EEIG2: variants seen among roughly 807,000 people sequenced by gnomAD.
The protein encoded by EEIG2 is EEIG family member 2.
the EEIG2 span, among the ~76,000 whole-genome samples, chr1:108,598,028 G>A: frequency 1.3e-4 from 20 of 152,182 alleles, no homozygotes; most frequent in Middle Eastern, 3.4e-3. Context: ...TGTTGGGAGA[G>A]AAGCAATAAT....
the EEIG2 span, among the ~76,000 whole-genome samples, chr1:108,566,861 A>T: frequency 6.6e-6 from 1 of 152,154 alleles, no homozygotes; most frequent in Non-Finnish European, 1.5e-5. Context: ...GCACGGAGAG[A>T]TGGGGAACTG....
the EEIG2 span, chr1:108,629,492 T>C: frequency 1.6e-5 from 14 of 890,912 alleles, no homozygotes; most frequent in African/African-American, 2.4e-4. Context: ...ATTTCTCTAA[T>C]AAACAATTGT....
the EEIG2 span, among the ~76,000 whole-genome samples, chr1:108,623,202 C>G: frequency 6.6e-6 from 1 of 151,952 alleles, no homozygotes; most frequent in African/African-American, 2.4e-5. Flanking sequence ...GTCTGGGCAC[C>G]ATGGCTCACA....
chr1:108,562,384 A>G, the EEIG2 span, among the ~76,000 whole-genome samples: 6 of 152,200 alleles, frequency 3.9e-5, no homozygotes, highest in Non-Finnish European at 8.8e-5. Flanking sequence ...TTTTCTTCCA[A>G]TTAAAATTTG....
At chr1:108,562,596 C>T in the EEIG2 span, among the ~76,000 whole-genome samples, 3 of 152,138 alleles carry the variant, frequency 2.0e-5, no homozygotes, top group Non-Finnish European at 4.4e-5. Context: ...CTGTGGTAAA[C>T]CTGGATGGGT....
chr1:108,588,760 A>T, the EEIG2 span, among the ~76,000 whole-genome samples: 3 of 134,006 alleles, frequency 2.2e-5, no homozygotes, highest in Admixed American at 7.6e-5. Context: ...GAGTTGTATG[A>T]GTTTCTTATA....
the EEIG2 span, among the ~76,000 whole-genome samples, chr1:108,600,962 A>AT: frequency 1.1e-4 from 16 of 152,130 alleles, no homozygotes; most frequent in Non-Finnish European, 2.4e-4. Context: ...ATATATCTAT[A>AT]TCCACTATTT....
chr1:108,612,985 T>G, the EEIG2 span, among the ~76,000 whole-genome samples: 1 of 152,202 alleles, frequency 6.6e-6, no homozygotes, highest in Admixed American at 6.5e-5. Context: ...TACCTGATAC[T>G]CTACAGTTTT....
the EEIG2 span, chr1:108,628,777 G>A: frequency 6.2e-7 from 1 of 1,612,964 alleles, no homozygotes; most frequent in African/African-American, 1.3e-5. Context: ...ACAAAGTCAA[G>A]ACTTCAGCCT....
chr1:108,571,600 T>C, the EEIG2 span, among the ~76,000 whole-genome samples: 1 of 152,096 alleles, frequency 6.6e-6, no homozygotes, highest in Admixed American at 6.6e-5. Context: ...GGATGAAAGG[T>C]ATAATTTGAA....
chr1:108,609,102 A>G, the EEIG2 span, among the ~76,000 whole-genome samples: 4 of 152,348 alleles, frequency 2.6e-5, no homozygotes, highest in East Asian at 3.9e-4. Flanking sequence ...ACATGCAGGC[A>G]TAAGAGGCAC....
the EEIG2 span, chr1:108,616,261 A>G: frequency 1.4e-6 from 1 of 716,862 alleles, no homozygotes; most frequent in Non-Finnish European, 2.4e-6. Context: ...TCCCGTGGAT[A>G]TAACCCAATT....
the EEIG2 span, among the ~76,000 whole-genome samples, chr1:108,597,358 T>A: frequency 6.6e-6 from 1 of 152,228 alleles, no homozygotes; most frequent in African/African-American, 2.4e-5. Flanking sequence ...TTAAGTCATC[T>A]TTCATTACCC....
chr1:108,630,700 A>T, the EEIG2 span, among the ~76,000 whole-genome samples: 1 of 152,246 alleles, frequency 6.6e-6, no homozygotes, highest in Non-Finnish European at 1.5e-5. Context: ...TAGTGAGCAC[A>T]GACACCAAGG....
chr1:108,607,852 T>C, the EEIG2 span, among the ~76,000 whole-genome samples: 1 of 152,196 alleles, frequency 6.6e-6, no homozygotes, highest in Non-Finnish European at 1.5e-5. Flanking sequence ...CATTATTTTT[T>C]ATTTACAGCC....
At chr1:108,587,109 C>G in the EEIG2 span, among the ~76,000 whole-genome samples, 5 of 152,254 alleles carry the variant, frequency 3.3e-5, no homozygotes, top group African/African-American at 1.2e-4. Context: ...CTCCTTCCTA[C>G]ACAATGCTTA....
chr1:108,626,928 C>T, the EEIG2 span: 1 of 152,150 alleles, frequency 6.6e-6, no homozygotes, highest in African/African-American at 2.4e-5. Context: ...ATGCACTGTC[C>T]TTTGGAGCTC....
At chr1:108,620,011 C>G in the EEIG2 span, among the ~76,000 whole-genome samples, 4 of 152,170 alleles carry the variant, frequency 2.6e-5, no homozygotes, top group Admixed American at 6.5e-5. Context: ...TTCCAGAAGT[C>G]CCTAAAGGAG....
chr1:108,600,541 T>G, the EEIG2 span: 1 of 1,608,824 alleles, frequency 6.2e-7, no homozygotes, highest in South Asian at 1.1e-5. Context: ...AGTTAATTAA[T>G]TGGCTCTTTT....
Sources: allele counts gnomAD v4.1 joint callset (sites outside exome capture counted in the v4.1 genomes callset), GRCh38; gene constraint gnomAD v4.1.1; transcripts MANE v1.5; gene names NCBI Gene and HGNC (gene_info 2026-07-23, HGNC 2026-07-21).